The following CTNNA3 variants were observed in gnomAD, a reference collection of about 807,000 sequenced individuals.
The protein encoded by CTNNA3 is catenin alpha-3.
CTNNA3 carries 76 observed loss-of-function variants against 95.7 expected under a neutral mutation model. That is an observed-to-expected ratio of 0.79 (90% CI 0.66 to 0.96). CTNNA3 has a LOEUF of 0.96. CTNNA3 is among the 40% of genes least tolerant of loss of function. The pLI, the probability that CTNNA3 is intolerant of heterozygous loss-of-function variation, is 0.00. For missense variants in CTNNA3, 1,191 were observed against 1,089.8 expected, an observed-to-expected ratio of 1.09 and a Z score of -1.31; for synonymous variants, 431 against 374.4, an observed-to-expected ratio of 1.15 and a Z score of -1.74.
chr10:66,184,338 A>G (rs991625942), intron 13 of CTNNA3, among the ~76,000 whole-genome samples: 9 of 152,150 alleles, frequency 5.9e-5, no homozygotes, highest in African/African-American at 2.2e-4. Flanking sequence ...TAATGTAGTT[A>G]AACTTACCTA....
intron 5 of CTNNA3, among the ~76,000 whole-genome samples, chr10:67,306,797 T>A (rs1038536854): frequency 2.6e-5 from 4 of 151,682 alleles, no homozygotes; most frequent in Admixed American, 2.0e-4. Flanking sequence ...TAAAAAAAAA[T>A]ACAAGGATTA....
Position 66,634,572 on chromosome 10 carries a change from GGTGTGT to G in CTNNA3, c.1282-12794_1282-12789del, listed in dbSNP as rs59187647. 5.7e-4 allele frequency among the ~76,000 whole-genome samples: 84 copies of G among 146,178 alleles called. 1 individual carries two copies. Among genetic ancestry groups the G allele is most frequent in the African/African-American group, 1.1e-3 (42 of 39,420 alleles). On this transcript the variant is annotated intron_variant, in intron 9 of 17. Coordinates refer to ENST00000433211, the MANE Select transcript of CTNNA3 (RefSeq NM_013266.4). Reference sequence around the variant, plus strand: ...ATGTTTGGAAAGGTACTCTGTGCATGGTGTGTGTGTGTGTGTGTGTGTGTGTGTGTG... The same window carrying G: ...ATGTTTGGAAAGGTACTCTGTGCATGGTGTGTGTGTGTGTGTGTGTGTGTG...
intron 5 of CTNNA3, among the ~76,000 whole-genome samples, chr10:67,482,694 A>G (rs1848280884): frequency 6.6e-6 from 1 of 152,180 alleles, no homozygotes; most frequent in African/African-American, 2.4e-5. Context: ...TCATCTGCAA[A>G]CAGGGACAAT....
chr10:66,136,940 G>A (rs2083387369), intron 13 of CTNNA3, among the ~76,000 whole-genome samples: 1 of 151,956 alleles, frequency 6.6e-6, no homozygotes, highest in African/African-American at 2.4e-5. Context: ...TCCTGACTCA[G>A]CCTCCTGAGT....
intron 5 of CTNNA3, among the ~76,000 whole-genome samples, chr10:67,314,573 T>C (rs1331233190): frequency 6.6e-6 from 1 of 152,216 alleles, no homozygotes; most frequent in African/African-American, 2.4e-5. Flanking sequence ...CAACCTGCTC[T>C]GAAGTCTTAT....
intron 1 of CTNNA3, among the ~76,000 whole-genome samples, chr10:67,745,042 C>T (rs1395990623): frequency 6.6e-6 from 1 of 152,016 alleles, no homozygotes; most frequent in Non-Finnish European, 1.5e-5. Context: ...GAAATAGGAA[C>T]ACTTTTACAC....
chr10:67,620,472 A>C (rs1330207424), intron 2 of CTNNA3, among the ~76,000 whole-genome samples: 1 of 152,304 alleles, frequency 6.6e-6, no homozygotes, highest in South Asian at 2.1e-4. Context: ...CTGAGCATTT[A>C]CCAAAAGGGA....
At chr10:67,016,517 G>A (rs1207402749) in intron 7 of CTNNA3, among the ~76,000 whole-genome samples, 1 of 152,106 alleles carries the variant, frequency 6.6e-6, no homozygotes, top group Non-Finnish European at 1.5e-5. Context: ...GAGGTTGTTG[G>A]CAGAAAGTCC....
At chr10:67,102,166 C>T (rs992513952) in intron 7 of CTNNA3, among the ~76,000 whole-genome samples, 1 of 151,734 alleles carries the variant, frequency 6.6e-6, no homozygotes, top group East Asian at 1.9e-4. Flanking sequence ...CCTCCCATGA[C>T]CTTCCCAATT....
intron 14 of CTNNA3, among the ~76,000 whole-genome samples, chr10:66,076,109 T>C (rs986353201): frequency 5.9e-5 from 9 of 151,750 alleles, no homozygotes; most frequent in Middle Eastern, 3.4e-3. Context: ...ACACATGGTA[T>C]ATATACATAT....
chr10:65,973,562 CA>C (rs991155750), intron 16 of CTNNA3, among the ~76,000 whole-genome samples: 16 of 152,040 alleles, frequency 1.1e-4, no homozygotes, highest in Admixed American at 5.9e-4. Flanking sequence ...TGAATTGCTA[CA>C]AAAAAATACT....
rs74970517 is a variant in CTNNA3, at chr10:67,040,044, C to T, written c.1047+140273G>A. 0.01 allele frequency among the ~76,000 whole-genome samples: 1,562 copies of T among 152,234 alleles called. 64 individuals are homozygous for T. The East Asian group carries it at 0.14, about 14-fold the overall frequency. On this transcript the variant is annotated intron_variant, in intron 7 of 17. Coordinates refer to ENST00000433211, the MANE Select transcript of CTNNA3 (RefSeq NM_013266.4). ...CATGAGGAGGGTTAGTGACACTCCACACCCATTCATCTCTCTCTTTTTTTT... is the reference window on the plus strand; with the variant it reads ...CATGAGGAGGGTTAGTGACACTCCATACCCATTCATCTCTCTCTTTTTTTT...
In CTNNA3 at chr10:67,737,945, C is replaced by T. The variant is rs59550822; in HGVS notation, c.-2+25489G>A. Among the ~76,000 whole-genome samples, 7 of 152,358 alleles carry T rather than the reference C, an allele frequency of 4.6e-5. No individual in the cohort carries two copies. In the East Asian group the frequency reaches 1.4e-3, roughly 29 times the overall value. On this transcript the variant is annotated intron_variant, in intron 1 of 17. Coordinates refer to the CTNNA3 transcript ENST00000684154. ...AGTATAAATCATGCTGCTACAAAGA[C>T]ACCTCCTACAGGCACATGTCAGTAC...
intron 12 of CTNNA3, among the ~76,000 whole-genome samples, chr10:66,335,289 G>A (rs1479443112): frequency 2.0e-5 from 3 of 152,078 alleles, no homozygotes; most frequent in Non-Finnish European, 2.9e-5. Context: ...GCATTCCTTT[G>A]GAGGAGGAGA....
At chr10:66,685,298 T>G in intron 9 of CTNNA3, among the ~76,000 whole-genome samples, 1 of 92,482 alleles carries the variant, frequency 1.1e-5, no homozygotes, top group Non-Finnish European at 2.1e-5. Context: ...TATATATGTG[T>G]GTATATATAT....
intron 13 of CTNNA3, among the ~76,000 whole-genome samples, chr10:66,157,819 A>G (rs961284724): frequency 3.9e-5 from 6 of 151,926 alleles, no homozygotes; most frequent in African/African-American, 1.4e-4. Context: ...TATCTCATCC[A>G]TGCCAACATC....
chr10:67,361,011 T>TA (rs549641162), intron 5 of CTNNA3, among the ~76,000 whole-genome samples: 165 of 138,002 alleles, frequency 1.2e-3, no homozygotes, highest in Middle Eastern at 7.1e-3. Flanking sequence ...CCATCTACAG[T>TA]AAAAAAAAAA....
At chr10:67,545,173 T>C (rs1366761155) in intron 3 of CTNNA3, among the ~76,000 whole-genome samples, 1 of 152,216 alleles carries the variant, frequency 6.6e-6, no homozygotes, top group Non-Finnish European at 1.5e-5. Flanking sequence ...TTATATAAAA[T>C]GTTTTATAAA....
In CTNNA3 at chr10:66,524,061, G is replaced by C. The variant is rs559725387; in HGVS notation, c.1375-3288C>G. Among the ~76,000 whole-genome samples the C allele has an allele frequency of 2.0e-5, 3 of 152,130 alleles. No individual in the cohort carries two copies. In the South Asian group the frequency reaches 6.2e-4, roughly 32 times the overall value. ...ACACCACTCATCTTTGTACCTCTGT[G>C]ACTGTTTTTAGAGCTGAATCTGCCT... On this transcript the variant is annotated intron_variant, in intron 10 of 17. Transcript: ENST00000433211.
Sources: gnomAD v4.1 joint callset for allele counts (sites outside exome capture counted in the v4.1 genomes callset) on GRCh38, gnomAD v4.1.1 for gene constraint, MANE v1.5 for transcripts, NCBI Gene and HGNC (gene_info 2026-07-23, HGNC 2026-07-21) for gene names.